Variants in FHIT observed in about 807,000 individuals in gnomAD.
The protein encoded by FHIT is bis(5'-adenosyl)-triphosphatase.
FHIT carries 19 observed loss-of-function variants against 17.9 expected under a neutral mutation model. The observed-to-expected ratio is 1.06, with a 90% CI of 0.74 to 1.56. FHIT has a LOEUF of 1.56. Ranked by LOEUF, FHIT falls within the 40% of genes most tolerant of loss-of-function variation. The pLI is 0.00. For synonymous variants in FHIT, 81 were observed against 69.7 expected, an observed-to-expected ratio of 1.16 and a Z score of -0.81; for missense variants, 248 against 189.2, an observed-to-expected ratio of 1.31 and a Z score of -1.82.
intron 5 of FHIT, among the ~76,000 whole-genome samples, chr3:60,516,666 G>A (rs566108844): frequency 3.3e-5 from 5 of 152,310 alleles, no homozygotes; most frequent in African/African-American, 1.2e-4. Flanking sequence ...GCTCATGAGT[G>A]CTAAATTAAT....
At chr3:60,833,845 A>G (rs1245374586) in intron 3 of FHIT, among the ~76,000 whole-genome samples, 1 of 152,224 alleles carries the variant, frequency 6.6e-6, no homozygotes, top group Non-Finnish European at 1.5e-5. Flanking sequence ...CTCCATTTAT[A>G]TAATTTTTTC....
Position 59,810,354 on chromosome 3 carries a change from A to G in FHIT, c.349-58033T>C, listed in dbSNP as rs1406210436. On this transcript the variant is annotated intron_variant, in intron 8 of 9. Transcript: ENST00000492590. ...GGGGACAGTATTTCCAGACTTTGGC[A>G]TGAAACAGATTTCTGAGCACCTCAT... Among the ~76,000 whole-genome samples the G allele has an allele frequency of 2.0e-5, 3 of 152,204 alleles. No individual in the cohort carries two copies. In the East Asian group the frequency reaches 5.8e-4, roughly 29 times the overall value.
chr3:60,257,200 T>A (rs890855967), intron 5 of FHIT, among the ~76,000 whole-genome samples: 11 of 152,336 alleles, frequency 7.2e-5, no homozygotes, highest in African/African-American at 2.6e-4. Context: ...ACAGGTTCAT[T>A]TCTGTATCTG....
intron 5 of FHIT, among the ~76,000 whole-genome samples, chr3:60,346,373 A>T (rs568651146): frequency 3.0e-4 from 45 of 152,346 alleles, no homozygotes; most frequent in African/African-American, 1.0e-3. Context: ...ATGTGAAAAT[A>T]AATAATGCTA....
intron 3 of FHIT, among the ~76,000 whole-genome samples, chr3:60,981,868 G>A (rs1255241607): frequency 6.6e-6 from 1 of 152,098 alleles, no homozygotes; most frequent in Admixed American, 6.5e-5. Context: ...CTCCCAAAAT[G>A]CTGGGATGAA....
At chr3:60,572,035 G>A (rs117920249) in intron 4 of FHIT, among the ~76,000 whole-genome samples, 1 of 151,204 alleles carries the variant, frequency 6.6e-6, no homozygotes, top group Admixed American at 6.6e-5. Context: ...TCTTTTTTTT[G>A]GGGGGGAAGA....
intron 5 of FHIT, among the ~76,000 whole-genome samples, chr3:60,435,403 C>T: frequency 6.6e-6 from 1 of 151,584 alleles, no homozygotes; most frequent in Non-Finnish European, 1.5e-5. Context: ...AGTTGATGTA[C>T]TATTGGGGAA....
At chr3:60,032,948 CAAGTT>C (rs1487551177) in intron 5 of FHIT, among the ~76,000 whole-genome samples, 3 of 151,946 alleles carry the variant, frequency 2.0e-5, no homozygotes. Flanking sequence ...GATAGAGAAA[CAAGTT>C]AAGTAACACT....
chr3:60,600,420 G>T (rs2038405855), intron 4 of FHIT, among the ~76,000 whole-genome samples: 1 of 152,046 alleles, frequency 6.6e-6, no homozygotes, highest in Non-Finnish European at 1.5e-5. Context: ...CAGGATTACA[G>T]AATCACACTC....
chr3:60,704,044 G>A (rs879985933), intron 4 of FHIT, among the ~76,000 whole-genome samples: 1 of 152,058 alleles, frequency 6.6e-6, no homozygotes, highest in Non-Finnish European at 1.5e-5. Context: ...TTGACCAAGG[G>A]AAGCTAAGAG....
At chr3:60,192,879 T>C (rs1235649613) in intron 5 of FHIT, among the ~76,000 whole-genome samples, 1 of 152,242 alleles carries the variant, frequency 6.6e-6, no homozygotes, top group Admixed American at 6.5e-5. Context: ...ATAGGTTATA[T>C]GAACTTCATA....
At chr3:60,925,749 A>G (rs1553769691) in intron 3 of FHIT, among the ~76,000 whole-genome samples, 1 of 152,224 alleles carries the variant, frequency 6.6e-6, no homozygotes, top group Non-Finnish European at 1.5e-5. Context: ...TGCTCCAGTT[A>G]AAAGACACAG....
At chr3:59,809,941 A>G (rs1275359832) in intron 8 of FHIT, among the ~76,000 whole-genome samples, 1 of 152,092 alleles carries the variant, frequency 6.6e-6, no homozygotes, top group Non-Finnish European at 1.5e-5. Context: ...TATAATTTTT[A>G]TCACATTATA....
At chr3:60,063,209 T>C (rs78787945) in intron 5 of FHIT, among the ~76,000 whole-genome samples, 1 of 152,158 alleles carries the variant, frequency 6.6e-6, no homozygotes, top group Non-Finnish European at 1.5e-5. Context: ...GAGTACATTA[T>C]AGTTAGATCT....
chr3:59,891,260 G>A (rs1000809214), intron 8 of FHIT, among the ~76,000 whole-genome samples: 5 of 152,320 alleles, frequency 3.3e-5, no homozygotes, highest in South Asian at 2.1e-4. Flanking sequence ...TGAGGAAGGC[G>A]TGGCCTCTTC....
chr3:60,896,725 TC>T lies in FHIT; in HGVS notation c.-110-74715del, dbSNP rs567882447. ...AAAATAACTTGAATCAGTATTTTTT[TC>T]CTATGTGTAATCATGTCATCCATTT... On this transcript the variant is annotated intron_variant, in intron 3 of 9. Transcript: ENST00000492590. Among the ~76,000 whole-genome samples the T allele has an allele frequency of 5.9e-5, 9 of 152,328 alleles. No homozygotes were observed. The South Asian group carries it at 1.2e-3, about 21-fold the overall frequency.
intron 4 of FHIT, among the ~76,000 whole-genome samples, chr3:60,802,286 A>G (rs35746862): frequency 0.14 from 21,399 of 152,230 alleles, 1,641 homozygotes; most frequent in African/African-American, 0.19. Context: ...TGGGCCATTA[A>G]CAGGAGGGTG....
intron 8 of FHIT, among the ~76,000 whole-genome samples, chr3:59,915,760 C>A (rs146418890): frequency 3.3e-5 from 5 of 151,960 alleles, no homozygotes; most frequent in Admixed American, 2.0e-4. Flanking sequence ...GACAACATTG[C>A]GAGACCTGTC....
intron 4 of FHIT, among the ~76,000 whole-genome samples, chr3:60,725,025 T>C (rs1170755275): frequency 6.6e-6 from 1 of 152,202 alleles, no homozygotes; most frequent in Admixed American, 6.5e-5. Flanking sequence ...TGCACTTCCC[T>C]GATGGCTAAT....
Sources: gnomAD v4.1 joint callset for allele counts (sites outside exome capture counted in the v4.1 genomes callset) on GRCh38, gnomAD v4.1.1 for gene constraint, MANE v1.5 for transcripts, NCBI Gene and HGNC (gene_info 2026-07-23, HGNC 2026-07-21) for gene names.